Variants in TMEM242 observed in about 807,000 individuals in gnomAD.
TMEM242 encodes the protein UPF0463 transmembrane protein C6orf35.
In TMEM242, 10 loss-of-function variants were observed where a neutral mutation model predicts 18.2. The ratio of observed to expected loss-of-function variants is 0.55; its 90% CI spans 0.34 to 0.93. The LOEUF is 0.93. TMEM242 is among the 40% of genes least tolerant of loss of function. The probability of loss-of-function intolerance (pLI) is 0.02; values close to 1 mark genes in which losing one functional copy is unlikely to be tolerated. For missense variants in TMEM242, 186 were observed against 175.5 expected, an observed-to-expected ratio of 1.06 and a Z score of -0.34; for synonymous variants, 57 against 69.9, an observed-to-expected ratio of 0.81 and a Z score of 0.92.
chr6:157,293,018 T>C lies in TMEM242; in HGVS notation c.328-19A>G. On this transcript the variant is annotated intron_variant, in intron 3 of 3. Coordinates refer to ENST00000400788, the MANE Select transcript of TMEM242 (RefSeq NM_018452.6). ...CGTTCATCTAAAAGAAGAAAAATAA[T>C]CAGTTATCAAATGTTAAAAGAAGGA... 1 of 1,583,476 alleles carries C rather than the reference T, an allele frequency of 6.3e-7. No homozygotes were observed. Among genetic ancestry groups the C allele is most frequent in the Non-Finnish European group, 8.7e-7 (1 of 1,152,718 alleles).
Position 157,314,488 on chromosome 6 carries a change from A to G in TMEM242, c.327+4294T>C, listed in dbSNP as rs137855715. 2.6e-5 allele frequency among the ~76,000 whole-genome samples: 4 copies of G among 152,352 alleles called. No individual in the cohort carries two copies. The East Asian group carries it at 7.7e-4, about 29-fold the overall frequency. On this transcript the variant is annotated intron_variant, in intron 3 of 3. Coordinates refer to ENST00000400788, the MANE Select transcript of TMEM242 (RefSeq NM_018452.6). ...GGTGCTATCTTAATTATAATCAAAT[A>G]ATAAAATACCATAGTTGAAAGTAAT...
intron 3 of TMEM242, among the ~76,000 whole-genome samples, chr6:157,313,594 C>G (rs1554249856): frequency 6.7e-6 from 1 of 149,252 alleles, no homozygotes; most frequent in Non-Finnish European, 1.5e-5. Flanking sequence ...TGTGCGCTCA[C>G]CTAACCCCAT....
intron 2 of TMEM242, 112 bp from the exon 3 acceptor site, chr6:157,319,031 A>C (rs937981749): frequency 8.8e-7 from 1 of 1,139,064 alleles, no homozygotes; most frequent in Non-Finnish European, 1.2e-6. Context: ...TAGGAAGCTA[A>C]ATCAACCCAA....
chr6:157,300,000 C>T (rs1410046942), intron 3 of TMEM242: 1 of 1,338,168 alleles, frequency 7.5e-7, no homozygotes, highest in Non-Finnish European at 1.1e-6. Context: ...TCACTCTTCA[C>T]GGGGGTGAAG....
Position 157,292,953 on chromosome 6 carries a change from G to A in TMEM242, c.374C>T (p.Pro125Leu), listed in dbSNP as rs1554246923. Residue 125 changes from proline (P) to leucine (L), a missense_variant, in exon 4 of 4, where the codon CCC becomes CTC. Coordinates refer to ENST00000400788, the MANE Select transcript of TMEM242 (RefSeq NM_018452.6). Reference sequence around the variant, plus strand: ...CTCAACAGCCGATTCGGAGTTCTTGGGAATTGTTGGAAATATTGATTGCAT... The same window carrying A: ...CTCAACAGCCGATTCGGAGTTCTTGAGAATTGTTGGAAATATTGATTGCAT... ...SKMQSIFPTI[P>L]KNSESAVEWE... 1 of 1,613,538 alleles carries A rather than the reference G, an allele frequency of 6.2e-7. No homozygotes were observed. The highest frequency in any genetic ancestry group is 1.1e-5 in the South Asian group (1 of 91,038).
intron 3 of TMEM242, 89 bp downstream of exon 3, chr6:157,318,693 A>G: frequency 1.9e-6 from 3 of 1,540,660 alleles, no homozygotes; most frequent in African/African-American, 1.4e-5. Flanking sequence ...ACCAAACTAC[A>G]TGCAAATAAA....
At chr6:157,314,362 G>GTGTGCGCTCACCTAGCCT (rs1778343810) in intron 3 of TMEM242, among the ~76,000 whole-genome samples, 1 of 149,516 alleles carries the variant, frequency 6.7e-6, no homozygotes. Flanking sequence ...TAGTGTCCCA[G>GTGTGCGCTCACCTAGCCT]CATGCATTCC....
chr6:157,292,652 C>A lies in TMEM242; in HGVS notation c.*249G>T. 1 of 349,034 alleles carries A rather than the reference C, an allele frequency of 2.9e-6. No homozygotes were observed. The highest frequency in any genetic ancestry group is 5.1e-6 in the Non-Finnish European group (1 of 194,780). 21.6% of individuals were successfully genotyped at this position (349,034 alleles called of 1,614,324 possible). On this transcript the variant is annotated 3_prime_UTR_variant, in exon 4 of 4. Transcript: ENST00000400788. ...GAATCATTTCCTATGGGGTCCCCTC[C>A]ACATAAGGAAGTTATTCCTGTAATT...
At chr6:157,301,713 C>T (rs1777832532) in intron 3 of TMEM242, among the ~76,000 whole-genome samples, 1 of 152,118 alleles carries the variant, frequency 6.6e-6, no homozygotes, top group Non-Finnish European at 1.5e-5. Context: ...TTGTGGATCA[C>T]TTGAGGTCAG....
intron 2 of TMEM242, among the ~76,000 whole-genome samples, chr6:157,320,096 A>G (rs1239044775): frequency 6.6e-6 from 1 of 152,254 alleles, no homozygotes; most frequent in Non-Finnish European, 1.5e-5. Context: ...GTATAAACGC[A>G]TTAACTGTGT....
At chr6:157,314,630 C>T (rs192731750) in intron 3 of TMEM242, among the ~76,000 whole-genome samples, 2 of 152,320 alleles carry the variant, frequency 1.3e-5, no homozygotes, top group Admixed American at 1.3e-4. Context: ...GCAAACTTAC[C>T]TGCCTTGGTC....
At chr6:157,315,014 G>C (rs587606035) in intron 3 of TMEM242, among the ~76,000 whole-genome samples, 7 of 152,166 alleles carry the variant, frequency 4.6e-5, no homozygotes, top group African/African-American at 1.4e-4. Context: ...TTTAACGCTG[G>C]AGTTGATTTT....
intron 2 of TMEM242, among the ~76,000 whole-genome samples, chr6:157,321,012 CT>C (rs1181386580): frequency 1.1e-3 from 110 of 102,068 alleles, no homozygotes; most frequent in African/African-American, 1.8e-3. Flanking sequence ...TTTTTTTTTT[CT>C]TTTTTTTTTT....
intron 3 of TMEM242, among the ~76,000 whole-genome samples, chr6:157,295,819 T>A (rs587686614): frequency 2.0e-5 from 3 of 152,300 alleles, no homozygotes; most frequent in Admixed American, 1.3e-4. Flanking sequence ...AAGGGTACCA[T>A]CTATCCCTGT....
chr6:157,296,215 T>C (rs1333194909), intron 3 of TMEM242, among the ~76,000 whole-genome samples: 1 of 152,224 alleles, frequency 6.6e-6, no homozygotes, highest in African/African-American at 2.4e-5. Flanking sequence ...GTGGGGGGTA[T>C]GCTGGGAACT....
chr6:157,314,039 C>G (rs1322894005), intron 3 of TMEM242, among the ~76,000 whole-genome samples: 2 of 6,752 alleles, frequency 3.0e-4, no homozygotes, highest in African/African-American at 8.6e-4. Flanking sequence ...CTCACCCGGC[C>G]TCGTCATAGT....
intron 1 of TMEM242, 85 bp downstream of exon 1, chr6:157,323,327 G>A: frequency 7.2e-7 from 1 of 1,391,376 alleles, no homozygotes; most frequent in Non-Finnish European, 1.0e-6. Flanking sequence ...AGAGCGGGAT[G>A]TGTGTGGGAA....
intron 3 of TMEM242, among the ~76,000 whole-genome samples, chr6:157,317,894 C>T (rs782551175): frequency 2.6e-5 from 4 of 152,114 alleles, no homozygotes; most frequent in Admixed American, 6.5e-5. Context: ...TCAACTTTAC[C>T]GCTGCCACCT....
intron 3 of TMEM242, among the ~76,000 whole-genome samples, chr6:157,314,207 G>C (rs1778333022): frequency 6.6e-6 from 1 of 151,056 alleles, no homozygotes; most frequent in Non-Finnish European, 1.5e-5. Context: ...CGCTCACCTG[G>C]CCTCATCATA....
Sources: gnomAD v4.1 joint callset for allele counts (sites outside exome capture counted in the v4.1 genomes callset) on GRCh38, gnomAD v4.1.1 for gene constraint, MANE v1.5 for transcripts, NCBI Gene and HGNC (gene_info 2026-07-23, HGNC 2026-07-21) for gene names.